Variants in TXNDC8 observed in about 807,000 individuals in gnomAD.
TXNDC8 encodes thioredoxin domain containing 8.
Under a neutral mutation model 12.9 loss-of-function variants are expected in TXNDC8, and 15 were observed. The ratio of observed to expected loss-of-function variants is 1.16; its 90% confidence interval spans 0.78 to 1.79. The LOEUF (loss-of-function observed/expected upper bound fraction) is 1.79. Ranked by LOEUF, TXNDC8 falls within the 40% of genes most tolerant of loss-of-function variation. The pLI, the probability that TXNDC8 is intolerant of heterozygous loss-of-function variation, is 0.00. For synonymous variants in TXNDC8, 40 were observed against 35.4 expected, an observed-to-expected ratio of 1.13 and a Z score of -0.46; for missense variants, 128 against 113.2, an observed-to-expected ratio of 1.13 and a Z score of -0.59.
intron 2 of TXNDC8, among the ~76,000 whole-genome samples, chr9:110,327,565 C>T (rs1839381668): frequency 1.3e-5 from 2 of 152,138 alleles, no homozygotes; most frequent in African/African-American, 4.8e-5. Context: ...TCAAGCGATC[C>T]ACCCATCTGG....
At chr9:110,302,215 G>A (rs1266929783), downstream of TXNDC8, among the ~76,000 whole-genome samples, 1 of 150,866 alleles carries the variant, frequency 6.6e-6, no homozygotes, top group African/African-American at 2.4e-5. Context: ...TGCCCATGCT[G>A]GTCTCAAACT....
intron 3 of TXNDC8, among the ~76,000 whole-genome samples, chr9:110,309,806 A>G (rs1034002350): frequency 6.6e-6 from 1 of 152,204 alleles, no homozygotes; most frequent in African/African-American, 2.4e-5. Flanking sequence ...GCACACATCA[A>G]TTCATCACAC....
intron 3 of TXNDC8, chr9:110,323,375 A>T: frequency 3.1e-6 from 3 of 976,736 alleles, no homozygotes; most frequent in Non-Finnish European, 3.6e-6. Context: ...AAATTTCCAG[A>T]ATATAGAAGC....
intron 2 of TXNDC8, 104 bp from the exon 4 acceptor site, chr9:110,326,344 G>T: frequency 8.9e-7 from 1 of 1,117,328 alleles, no homozygotes; most frequent in Non-Finnish European, 1.4e-6. Flanking sequence ...GAAATTCCAA[G>T]GACACCTGAC....
intron 3 of TXNDC8, among the ~76,000 whole-genome samples, chr9:110,305,590 CTT>C (rs779127442): frequency 1.5e-5 from 2 of 134,570 alleles, no homozygotes; most frequent in African/African-American, 6.5e-5. Flanking sequence ...TTCTTTCTTT[CTT>C]TCTTTCTTTC....
At chr9:110,320,760 T>C (rs76086591) in intron 3 of TXNDC8, among the ~76,000 whole-genome samples, 16,136 of 152,250 alleles carry the variant, frequency 0.11, 947 homozygotes, top group African/African-American at 0.16. Context: ...ATATTCTGGT[T>C]ACAAAGACCA....
intron 3 of TXNDC8, among the ~76,000 whole-genome samples, chr9:110,318,854 A>G (rs536019602): frequency 2.0e-5 from 3 of 152,360 alleles, no homozygotes; most frequent in African/African-American, 7.2e-5. Flanking sequence ...ATGATGAACA[A>G]AATATCAAAA....
At chr9:110,324,874 G>A (rs768445546) in intron 3 of TXNDC8, among the ~76,000 whole-genome samples, 40 of 152,236 alleles carry the variant, frequency 2.6e-4, no homozygotes, top group Non-Finnish European at 5.3e-4. Context: ...TACTTTGGGA[G>A]GCCAAGGTGG....
chr9:110,334,924 A>G (rs1480576663), intron 1 of TXNDC8, among the ~76,000 whole-genome samples: 1 of 152,222 alleles, frequency 6.6e-6, no homozygotes, highest in Non-Finnish European at 1.5e-5. Context: ...AGCTACAGTT[A>G]AAACTATACA....
intron 3 of TXNDC8, among the ~76,000 whole-genome samples, chr9:110,314,414 T>G (rs1223980014): frequency 6.8e-6 from 1 of 147,028 alleles, no homozygotes; most frequent in Non-Finnish European, 1.5e-5. Context: ...TTTTTTTCTT[T>G]TTTTCTTTTT....
intron 3 of TXNDC8, chr9:110,322,794 A>C: frequency 1.0e-6 from 1 of 985,580 alleles, no homozygotes; most frequent in Non-Finnish European, 1.2e-6. Context: ...AGTGGGATGC[A>C]GGGAAAAAAC....
chr9:110,319,528 C>T (rs1453960066), intron 3 of TXNDC8, among the ~76,000 whole-genome samples: 4 of 152,224 alleles, frequency 2.6e-5, no homozygotes, highest in Admixed American at 2.0e-4. Flanking sequence ...GGAAACTAAG[C>T]CTCAAGGTGG....
At chr9:110,304,163 A>T (rs1341248830) in intron 4 of TXNDC8, among the ~76,000 whole-genome samples, 6 of 152,226 alleles carry the variant, frequency 3.9e-5, no homozygotes, top group Non-Finnish European at 8.8e-5. Context: ...GAATTCAAAG[A>T]TGGAATTCAA....
rs774141051 is a variant in TXNDC8 at position 110,303,627 on chromosome 9, G to C, written c.*55C>G. On this transcript the variant is annotated 3_prime_UTR_variant, in exon 5 of 5. Coordinates refer to ENST00000423740, the MANE Select transcript of TXNDC8 (RefSeq NM_001286946.2). ...AGGTGAAACATTTATTGATTCAAGT[G>C]CTGCGAAAATGTTGAGGCTTTAAGG... The C allele has an allele frequency of 8.9e-6, 14 of 1,581,078 alleles. No individual in the cohort carries two copies. The East Asian group carries it at 3.3e-4, about 37-fold the overall frequency.
At chr9:110,326,472 C>T (rs947137574) in intron 2 of TXNDC8, among the ~76,000 whole-genome samples, 1 of 152,110 alleles carries the variant, frequency 6.6e-6, no homozygotes, top group Non-Finnish European at 1.5e-5. Flanking sequence ...TTTTTCATCC[C>T]ATAGAACCAG....
At chr9:110,322,843 A>C in intron 3 of TXNDC8, 1 of 985,212 alleles carries the variant, frequency 1.0e-6, no homozygotes, top group South Asian at 4.7e-5. Flanking sequence ...TCACTCATTC[A>C]TCACACACAT....
At chr9:110,322,620 CT>C in intron 3 of TXNDC8, 1 of 985,404 alleles carries the variant, frequency 1.0e-6, no homozygotes, top group East Asian at 1.1e-4. Flanking sequence ...AACTCAGAGT[CT>C]TGTGTCATCA....
At chr9:110,328,693 C>G (rs150621229) in intron 2 of TXNDC8, among the ~76,000 whole-genome samples, 2 of 152,168 alleles carry the variant, frequency 1.3e-5, no homozygotes, top group Non-Finnish European at 2.9e-5. Flanking sequence ...GTAATCCCAG[C>G]GACTCGGGAG....
chr9:110,302,580 G>A (rs1353727458), downstream of TXNDC8, among the ~76,000 whole-genome samples: 1 of 134,264 alleles, frequency 7.4e-6, no homozygotes, highest in Non-Finnish European at 1.7e-5. Flanking sequence ...GACACAATTA[G>A]TACGGTACAG....
Sources: gnomAD v4.1 joint callset for allele counts (sites outside exome capture counted in the v4.1 genomes callset) on GRCh38, gnomAD v4.1.1 for gene constraint, MANE v1.5 for transcripts, NCBI Gene and HGNC (gene_info 2026-07-23, HGNC 2026-07-21) for gene names.